Variants in ELMOD1 observed in about 807,000 individuals in gnomAD.
ELMOD1 encodes the protein ELMO domain containing 1.
ELMOD1 carries 21 observed loss-of-function variants against 46.7 expected under a neutral mutation model. That is an observed-to-expected ratio of 0.45 (90% CI 0.32 to 0.65). The LOEUF is 0.65. Among genes scored for constraint, ELMOD1 ranks in the 30% least tolerant of loss-of-function variants. The pLI is 0.04. For synonymous variants in ELMOD1, 122 were observed against 138.2 expected (o/e 0.88, Z 0.82); for missense variants, 348 against 407.8 (o/e 0.85, Z 1.26).
intron 2 of ELMOD1, among the ~76,000 whole-genome samples, chr11:107,621,238 G>A (rs939619689): frequency 1.3e-5 from 2 of 151,982 alleles, no homozygotes; most frequent in Non-Finnish European, 2.9e-5. Flanking sequence ...ATCTCACCTC[G>A]TTATTTTCCT....
intron 6 of ELMOD1, among the ~76,000 whole-genome samples, chr11:107,645,600 C>A (rs1282001265): frequency 6.6e-6 from 1 of 151,996 alleles, no homozygotes; most frequent in African/African-American, 2.4e-5. Flanking sequence ...GCTGGGATTA[C>A]AGGCATGAGC....
chr11:107,602,913 G>C (rs1010198271), intron 1 of ELMOD1, among the ~76,000 whole-genome samples: 1 of 152,102 alleles, frequency 6.6e-6, no homozygotes, highest in Admixed American at 6.6e-5. Flanking sequence ...ATGCTTCTTT[G>C]GGGGAGAGCT....
At chr11:107,636,061 C>G (rs1360479845) in intron 6 of ELMOD1, among the ~76,000 whole-genome samples, 1 of 152,174 alleles carries the variant, frequency 6.6e-6, no homozygotes, top group Non-Finnish European at 1.5e-5. Flanking sequence ...GTTTGTTTAA[C>G]AAGTGTTGAA....
At chr11:107,599,658 C>T (rs746247766) in intron 1 of ELMOD1, among the ~76,000 whole-genome samples, 4 of 148,292 alleles carry the variant, frequency 2.7e-5, no homozygotes, top group Non-Finnish European at 4.4e-5. Context: ...GAGAGAATCA[C>T]TTGAACCCAG....
At chr11:107,595,846 T>G (rs537974) in intron 1 of ELMOD1, among the ~76,000 whole-genome samples, 95,326 of 151,898 alleles carry the variant, frequency 0.63, 31,072 homozygotes, top group East Asian at 0.81. Context: ...CTTAAGTGTT[T>G]CTATGGTTCC....
chr11:107,630,687 G>A lies in ELMOD1; in HGVS notation c.164-13G>A. 1 of 1,607,768 alleles carries A rather than the reference G, an allele frequency of 6.2e-7. No homozygotes were observed. The highest frequency in any genetic ancestry group is 1.1e-5 in the South Asian group (1 of 89,596). ...TAATCTTTGAATGACTGTTTTTGTT[G>A]CTGCTTTCACAGAAACATCACTGAG... is the stretch of plus-strand genomic sequence containing the variant. On this transcript the variant is annotated splice_polypyrimidine_tract_variant and intron_variant, in intron 3 of 11. Coordinates refer to ENST00000265840, the MANE Select transcript of ELMOD1 (RefSeq NM_018712.4).
intron 11 of ELMOD1, among the ~76,000 whole-genome samples, chr11:107,657,312 G>T (rs903072298): frequency 1.3e-5 from 2 of 152,218 alleles, no homozygotes; most frequent in African/African-American, 4.8e-5. Context: ...GGGAGGCTGA[G>T]GCGGGAAGAT....
chr11:107,650,075 G>A (rs1866498604), intron 7 of ELMOD1, among the ~76,000 whole-genome samples: 1 of 152,068 alleles, frequency 6.6e-6, no homozygotes, highest in African/African-American at 2.4e-5. Context: ...CTGGGTAATG[G>A]CAAAGCTCTT....
At chr11:107,597,022 G>C (rs1865502877) in intron 1 of ELMOD1, among the ~76,000 whole-genome samples, 1 of 152,108 alleles carries the variant, frequency 6.6e-6, no homozygotes, top group East Asian at 1.9e-4. Flanking sequence ...GTCATAGCTG[G>C]GTTGATCAGC....
At chr11:107,624,251 TTTA>T (rs1453264436) in intron 2 of ELMOD1, among the ~76,000 whole-genome samples, 1 of 152,238 alleles carries the variant, frequency 6.6e-6, no homozygotes, top group Non-Finnish European at 1.5e-5. Flanking sequence ...TTTAAATACT[TTTA>T]AAATGTCAAA....
At chr11:107,611,402 C>G (rs989244836) in intron 1 of ELMOD1, among the ~76,000 whole-genome samples, 70 of 152,186 alleles carry the variant, frequency 4.6e-4, no homozygotes, top group Non-Finnish European at 5.0e-4. Flanking sequence ...CAAATCACCT[C>G]ATTAAAAAGT....
At position 107,665,414 on chromosome 11, in the gene ELMOD1, G is replaced by A. The variant is rs762042858; in HGVS notation, c.*217G>A. The A allele has an allele frequency of 3.8e-6, 2 of 529,454 alleles. No individual in the cohort carries two copies. The highest frequency in any genetic ancestry group is 6.6e-6 in the Non-Finnish European group (2 of 304,322). The allele number at this position is 529,454 out of a possible 1,614,324, so 32.8% of individuals were successfully genotyped here. A position where few individuals can be genotyped will look rare whatever the true frequency, so the allele number is the denominator to read the frequency against. ...GTGACTGCTCATATTGTGGCATTAT[G>A]CAGTGTTACATCTTGCCTTGATACC... On this transcript the variant is annotated 3_prime_UTR_variant, in exon 12 of 12. Transcript: ENST00000265840.
In ELMOD1 at chr11:107,665,227, G is replaced by A. The variant is rs1162070445; in HGVS notation, c.*30G>A. 1.2e-6 allele frequency: 2 copies of A among 1,605,858 alleles called. No individual in the cohort carries two copies. Among genetic ancestry groups the A allele is most frequent in the Admixed American group, 1.7e-5 (1 of 59,504 alleles). On this transcript the variant is annotated 3_prime_UTR_variant, in exon 12 of 12. Coordinates refer to ENST00000265840, the MANE Select transcript of ELMOD1 (RefSeq NM_018712.4). The stretch of plus-strand genomic sequence containing the variant: ...CCACGCCGGTTTTAATGGATACCCT[G>A]GAACACTGCCTCATTGTCTTGTTAG...
intron 1 of ELMOD1, among the ~76,000 whole-genome samples, chr11:107,596,204 AAG>A (rs1865490380): frequency 6.6e-6 from 1 of 151,976 alleles, no homozygotes. Flanking sequence ...TTTTGTGTAC[AAG>A]TAGTTGGTGA....
intron 11 of ELMOD1, among the ~76,000 whole-genome samples, chr11:107,662,716 G>A (rs531608): frequency 0.099 from 14,974 of 151,804 alleles, 1,638 homozygotes; most frequent in East Asian, 0.3. Flanking sequence ...CTTGGGGTTA[G>A]GATTTCAAGA....
At chr11:107,659,161 C>T (rs1866685839) in intron 11 of ELMOD1, among the ~76,000 whole-genome samples, 1 of 152,144 alleles carries the variant, frequency 6.6e-6, no homozygotes, top group African/African-American at 2.4e-5. Flanking sequence ...AGAGATGGCA[C>T]TGGAAGCCTA....
chr11:107,611,733 G>C (rs61906385), intron 1 of ELMOD1, among the ~76,000 whole-genome samples: 1 of 146,216 alleles, frequency 6.8e-6, no homozygotes, highest in African/African-American at 2.5e-5. Context: ...AAAAAAGTGG[G>C]CAAAAGACAC....
intron 11 of ELMOD1, among the ~76,000 whole-genome samples, 159 bp downstream of exon 11, chr11:107,656,225 T>C (rs1227513477): frequency 6.6e-6 from 1 of 151,772 alleles, no homozygotes; most frequent in Non-Finnish European, 1.5e-5. Context: ...CCATCTGTAC[T>C]AAAAATACAA....
At chr11:107,646,316 C>T (rs1866425719) in intron 6 of ELMOD1, among the ~76,000 whole-genome samples, 2 of 152,136 alleles carry the variant, frequency 1.3e-5, no homozygotes, top group African/African-American at 4.8e-5. Context: ...TTTTAATTGA[C>T]ATTACTTTTG....
Sources: allele counts gnomAD v4.1 joint callset (sites outside exome capture counted in the v4.1 genomes callset), GRCh38; gene constraint gnomAD v4.1.1; transcripts MANE v1.5; gene names NCBI Gene and HGNC (gene_info 2026-07-23, HGNC 2026-07-21).